Variants in LRFN5 observed in about 807,000 individuals in gnomAD.
The protein encoded by LRFN5 is leucine-rich repeat and fibronectin type-III domain-containing protein 5.
LRFN5 carries 24 observed loss-of-function variants against 45.6 expected under a neutral mutation model. The ratio of observed to expected loss-of-function variants is 0.53; its 90% confidence interval spans 0.38 to 0.74. LRFN5 has a LOEUF of 0.74. Among genes scored for constraint, LRFN5 ranks in the 30% least tolerant of loss-of-function variants. LRFN5 has a pLI of 0.00. For synonymous variants in LRFN5, 340 were observed against 313.8 expected (o/e 1.08, Z -0.88); for missense variants, 776 against 861.5 (o/e 0.90, Z 1.24).
chr14:41,904,399 C>T lies in LRFN5; in HGVS notation c.*224C>T, dbSNP rs112965685. 5,820 of 455,452 alleles carry T rather than the reference C, an allele frequency of 0.013. 56 individuals carry two copies. Among genetic ancestry groups the T allele is most frequent in the Non-Finnish European group, 0.016 (4,207 of 260,220 alleles). The allele number at this position is 455,452 out of a possible 1,614,324, so 28.2% of individuals were successfully genotyped here. A position where few individuals can be genotyped will look rare whatever the true frequency, so the allele number is the denominator to read the frequency against. ...CCAAATTTTTTTTTCTTCTGGCCTA[C>T]AAGTATTTTTTTTTTAAAAAAGAAA... is the stretch of plus-strand genomic sequence containing the variant. On this transcript the variant is annotated 3_prime_UTR_variant, in exon 6 of 6. Coordinates refer to ENST00000298119, the MANE Select transcript of LRFN5 (RefSeq NM_152447.5).
chr14:41,610,121 C>T (rs981525633), intron 1 of LRFN5: 1 of 152,730 alleles, frequency 6.5e-6, no homozygotes, highest in Non-Finnish European at 1.5e-5. Flanking sequence ...CGGAAGAGCT[C>T]AGCGGACCCC....
At chr14:41,781,157 T>C (rs1030154174) in intron 2 of LRFN5, among the ~76,000 whole-genome samples, 10 of 152,158 alleles carry the variant, frequency 6.6e-5, no homozygotes, top group African/African-American at 2.4e-4. Context: ...AAGTTCTGAC[T>C]TACTATTTTC....
At chr14:41,675,632 G>A (rs554687243) in intron 1 of LRFN5, among the ~76,000 whole-genome samples, 103 of 152,154 alleles carry the variant, frequency 6.8e-4, no homozygotes, top group African/African-American at 2.4e-3. Flanking sequence ...AGAGGGGAGA[G>A]GGGAGAGGCG....
At chr14:41,667,046 T>C (rs1880933989) in intron 1 of LRFN5, among the ~76,000 whole-genome samples, 2 of 152,230 alleles carry the variant, frequency 1.3e-5, no homozygotes, top group Admixed American at 6.5e-5. Flanking sequence ...TTAACAATTT[T>C]ATTTTAACAA....
At chr14:41,674,492 GCCGGGCGGGGGGCTGA>G (rs1049158278) in intron 1 of LRFN5, among the ~76,000 whole-genome samples, 2 of 139,242 alleles carry the variant, frequency 1.4e-5, no homozygotes, top group African/African-American at 5.4e-5. Flanking sequence ...GGGGTGGCTG[GCCGGGCGGGGGGCTGA>G]CCCCTCCACC....
chr14:41,689,866 A>C, intron 1 of LRFN5, among the ~76,000 whole-genome samples: 1 of 126,850 alleles, frequency 7.9e-6, no homozygotes, highest in African/African-American at 3.1e-5. Context: ...CTGCACTTCC[A>C]CCTGGGCCAC....
At chr14:41,792,474 T>C (rs1886959248) in intron 2 of LRFN5, among the ~76,000 whole-genome samples, 1 of 151,896 alleles carries the variant, frequency 6.6e-6, no homozygotes, top group Admixed American at 6.6e-5. Context: ...AGTCCTTATC[T>C]CAACCACATA....
intron 1 of LRFN5, among the ~76,000 whole-genome samples, chr14:41,614,016 T>G (rs1032276761): frequency 6.6e-6 from 1 of 152,076 alleles, no homozygotes; most frequent in Non-Finnish European, 1.5e-5. Context: ...GATTTACTAG[T>G]GGGGACATAC....
At chr14:41,899,030 A>G in intron 5 of LRFN5, 70 bp downstream of exon 5, 1 of 1,240,428 alleles carries the variant, frequency 8.1e-7, no homozygotes, top group Non-Finnish European at 1.1e-6. Context: ...AATTAACTTT[A>G]AGTAATTAGT....
chr14:41,785,899 G>A (rs1029636992), intron 2 of LRFN5, among the ~76,000 whole-genome samples: 1 of 152,110 alleles, frequency 6.6e-6, no homozygotes, highest in African/African-American at 2.4e-5. Flanking sequence ...GAGTTCAGGT[G>A]GTAATACAAA....
chr14:41,879,678 A>G (rs1053369069), intron 2 of LRFN5, among the ~76,000 whole-genome samples: 1 of 149,624 alleles, frequency 6.7e-6, no homozygotes, highest in Non-Finnish European at 1.5e-5. Flanking sequence ...TTGATTTTGA[A>G]TTCAGTTTCC....
intron 1 of LRFN5, among the ~76,000 whole-genome samples, chr14:41,675,314 T>C (rs1315795052): frequency 6.6e-6 from 1 of 152,186 alleles, no homozygotes; most frequent in Non-Finnish European, 1.5e-5. Flanking sequence ...CTGGGCACCA[T>C]TGAGCACTGA....
intron 1 of LRFN5, among the ~76,000 whole-genome samples, chr14:41,741,075 AC>A (rs1380537633): frequency 9.6e-6 from 1 of 104,448 alleles, no homozygotes; most frequent in Admixed American, 1.1e-4. Context: ...AAGTTGAAAA[AC>A]ACACAATATA....
At chr14:41,861,629 A>T (rs1023199840) in intron 2 of LRFN5, among the ~76,000 whole-genome samples, 12 of 152,178 alleles carry the variant, frequency 7.9e-5, no homozygotes, top group African/African-American at 2.4e-4. Flanking sequence ...TGTCTGACAG[A>T]ATGCTTGCAT....
At chr14:41,687,714 A>C (rs1882183391) in intron 1 of LRFN5, among the ~76,000 whole-genome samples, 1 of 152,216 alleles carries the variant, frequency 6.6e-6, no homozygotes, top group South Asian at 2.1e-4. Flanking sequence ...GGAAGTCATC[A>C]TCCTCAGCAA....
At chr14:41,762,564 T>C (rs1885716096) in intron 1 of LRFN5, among the ~76,000 whole-genome samples, 1 of 152,160 alleles carries the variant, frequency 6.6e-6, no homozygotes, top group Non-Finnish European at 1.5e-5. Flanking sequence ...TAATAGTGTT[T>C]ATATGAATTT....
rs1437857911 is a variant in LRFN5, at chr14:41,650,268, A to ACACACACACACACACACACAC, written c.-197+41706_-197+41707insCACACACACACACACACACAC. Reference sequence around the variant, plus strand: ...ACACACACACACACACACACACACAAAAAAAAAAAAGATACTTGCAACACA... The same window carrying ACACACACACACACACACACAC: ...ACACACACACACACACACACACACAACACACACACACACACACACACAAAAAAAAAAGATACTTGCAACACA... On this transcript the variant is annotated intron_variant, in intron 1 of 5. Transcript: ENST00000298119. Among the ~76,000 whole-genome samples, 336 of 129,368 alleles carry ACACACACACACACACACACAC rather than the reference A, an allele frequency of 2.6e-3. 2 individuals are homozygous for ACACACACACACACACACACAC. The highest frequency in any genetic ancestry group is 4.3e-3 in the Non-Finnish European group (275 of 63,988). 84.9% of individuals were successfully genotyped at this position (129,368 alleles called of 152,430 possible).
intron 1 of LRFN5, among the ~76,000 whole-genome samples, chr14:41,625,461 A>C (rs112058631): frequency 1.3e-5 from 2 of 152,142 alleles, no homozygotes; most frequent in African/African-American, 4.8e-5. Flanking sequence ...CCAGCCATGC[A>C]AAACTGTGAG....
intron 1 of LRFN5, among the ~76,000 whole-genome samples, chr14:41,722,511 C>T (rs1883761753): frequency 6.6e-6 from 1 of 150,728 alleles, no homozygotes; most frequent in African/African-American, 2.4e-5. Flanking sequence ...TAATCATTTT[C>T]ATATGTGAAT....
Sources: allele counts gnomAD v4.1 joint callset (sites outside exome capture counted in the v4.1 genomes callset), GRCh38; gene constraint gnomAD v4.1.1; transcripts MANE v1.5; gene names NCBI Gene and HGNC (gene_info 2026-07-23, HGNC 2026-07-21).